LMAN2L: variants seen among roughly 807,000 people sequenced by gnomAD.
LMAN2L encodes lectin, mannose binding 2 like, also known as VIP36-like protein.
A neutral mutation model predicts 44.3 loss-of-function variants in LMAN2L; 30 were observed. The ratio of observed to expected loss-of-function variants is 0.68; its 90% confidence interval spans 0.51 to 0.92. The LOEUF (loss-of-function observed/expected upper bound fraction) is 0.92. LMAN2L is among the 40% of genes least tolerant of loss of function. LMAN2L has a pLI of 0.00. For synonymous variants in LMAN2L, 183 were observed against 171.1 expected, an observed-to-expected ratio of 1.07 and a Z score of -0.54; for missense variants, 429 against 446.1, an observed-to-expected ratio of 0.96 and a Z score of 0.35.
chr2:96,734,303 G>C (rs2078467277), intron 3 of LMAN2L, 106 bp downstream of exon 3: 1 of 763,950 alleles, frequency 1.3e-6, no homozygotes, highest in Non-Finnish European at 2.4e-6. Context: ...TACATTAAGG[G>C]AGAGGGAAAA....
chr2:96,707,558 C>T, intron 7 of LMAN2L, 156 bp downstream of exon 7: 1 of 1,229,038 alleles, frequency 8.1e-7, no homozygotes. Flanking sequence ...GGCCCTCCTG[C>T]TGCTCATCTG....
At chr2:96,707,886 T>C in intron 6 of LMAN2L, 53 bp from the exon 7 acceptor site, 1 of 1,591,668 alleles carries the variant, frequency 6.3e-7, no homozygotes, top group Non-Finnish European at 8.6e-7. Flanking sequence ...AGAGGTATGT[T>C]TCTTGAAGTC....
intron 6 of LMAN2L, among the ~76,000 whole-genome samples, chr2:96,710,385 C>T (rs557323592): frequency 6.6e-6 from 1 of 152,262 alleles, no homozygotes; most frequent in East Asian, 1.9e-4. Flanking sequence ...TCCAGATTAT[C>T]CAGGCTGGGC....
At chr2:96,725,609 AT>A (rs1558957806) in intron 4 of LMAN2L, among the ~76,000 whole-genome samples, 1 of 149,868 alleles carries the variant, frequency 6.7e-6, no homozygotes, top group African/African-American at 2.5e-5. Flanking sequence ...TGCCCGGCTG[AT>A]TTTTTTGTAT....
At chr2:96,707,682 T>C (rs1275373206) in intron 7 of LMAN2L, 32 bp downstream of exon 7, 2 of 1,613,156 alleles carry the variant, frequency 1.2e-6, no homozygotes, top group African/African-American at 1.3e-5. Flanking sequence ...TCCCCAACTA[T>C]GGGACCATTT....
chr2:96,740,000 C>G lies in LMAN2L; in HGVS notation c.41G>C (p.Trp14Ser), dbSNP rs762770180. The G allele has an allele frequency of 1.2e-6, 2 of 1,613,576 alleles. No homozygotes were observed. Among genetic ancestry groups the G allele is most frequent in the Non-Finnish European group, 1.7e-6 (2 of 1,179,986 alleles). The part of the protein sequence containing the change: ...TLGPLGSWQQ[W>S]RRCLSARDGS... The stretch of plus-strand genomic sequence containing the variant: ...ATCCCGAGCCGACAAACATCGCCGC[C>G]ACTGCTGCCACGACCCAAGGGGTCC... Residue 14 changes from tryptophan to serine, a missense_variant, in exon 1 of 8, where the codon TGG (tryptophan) becomes TCG (serine). Transcript: ENST00000264963.
chr2:96,723,938 T>C (rs1408222980), intron 4 of LMAN2L, among the ~76,000 whole-genome samples: 1 of 150,776 alleles, frequency 6.6e-6, no homozygotes, highest in Non-Finnish European at 1.5e-5. Flanking sequence ...AACATATATA[T>C]TAAAAAAAAA....
chr2:96,717,224 C>T (rs2078057239), intron 4 of LMAN2L, among the ~76,000 whole-genome samples: 1 of 152,008 alleles, frequency 6.6e-6, no homozygotes, highest in Non-Finnish European at 1.5e-5. Flanking sequence ...CACACAGACA[C>T]ACACACACAA....
In LMAN2L at chr2:96,707,363, G is replaced by C; in HGVS notation, c.940C>G (p.Leu314Val). The C allele has an allele frequency of 2.5e-6, 4 of 1,613,520 alleles. No homozygotes were observed. The highest frequency in any genetic ancestry group is 3.4e-6 in the Non-Finnish European group (4 of 1,179,732). ...AGGGAGAAAAAGACGATGAGGAAGA[G>C]GGCCAGGCCACTCAGGGGCGGCAGT... is the stretch of plus-strand genomic sequence containing the variant. ...APLPPLSGLALFLIVFFSLVF... is the reference protein window; with the variant it reads ...APLPPLSGLAVFLIVFFSLVF... The change falls in exon 8 of 8, where the codon CTC (leucine) becomes GTC (valine). Residue 314 changes from leucine (L) to valine (V), a missense_variant. Leu to Val is a conservative substitution (Grantham distance 32). Transcript: ENST00000264963.
chr2:96,725,514 C>A (rs113132869), intron 4 of LMAN2L, among the ~76,000 whole-genome samples: 3,433 of 150,584 alleles, frequency 0.023, 131 homozygotes, highest in African/African-American at 0.078. Context: ...GTAATCTTGG[C>A]TCACTGCAAC....
Position 96,739,989 on chromosome 2 carries a change from A to C in LMAN2L, c.52T>G (p.Leu18Val). Residue 18 changes from leucine (L) to valine (V), a missense_variant, in exon 1 of 8, where the codon TTG becomes GTG. Leu to Val is a conservative substitution (Grantham distance 32). Transcript: ENST00000264963. ...ATCCTGGACCCATCCCGAGCCGACA[A>C]ACATCGCCGCCACTGCTGCCACGAC... The part of the protein sequence containing the change: ...LGSWQQWRRC[L>V]SARDGSRMLL... 2 of 1,613,674 alleles carry C rather than the reference A, an allele frequency of 1.2e-6. No homozygotes were observed. The highest frequency in any genetic ancestry group is 1.7e-6 in the Non-Finnish European group (2 of 1,179,992).
chr2:96,713,746 C>T (rs1361921187), intron 4 of LMAN2L, among the ~76,000 whole-genome samples: 1 of 152,196 alleles, frequency 6.6e-6, no homozygotes, highest in Middle Eastern at 3.2e-3. Flanking sequence ...CATATATTCC[C>T]AAATAACTAT....
chr2:96,722,070 C>T (rs1459844949), intron 4 of LMAN2L, among the ~76,000 whole-genome samples: 2 of 152,050 alleles, frequency 1.3e-5, no homozygotes, highest in Non-Finnish European at 2.9e-5. Flanking sequence ...CAGGTTCACG[C>T]CATTCTCCTG....
At position 96,720,277 on chromosome 2, in the gene LMAN2L, C is replaced by T. The variant is rs185793917; in HGVS notation, c.508-8252G>A. 1.5e-3 allele frequency among the ~76,000 whole-genome samples: 234 copies of T among 152,234 alleles called. 1 individual carries two copies. Among genetic ancestry groups the T allele is most frequent in the African/African-American group, 5.3e-3 (221 of 41,540 alleles). ...AAAAGAATGAAGGCCAAGACCGCAA[C>T]GGTTACACTCTGTGCTCTCATTCCA... On this transcript the variant is annotated intron_variant, in intron 4 of 7. Transcript: ENST00000264963.
At chr2:96,738,325 T>C (rs1046441482) in intron 1 of LMAN2L, among the ~76,000 whole-genome samples, 3 of 152,198 alleles carry the variant, frequency 2.0e-5, no homozygotes, top group Non-Finnish European at 4.4e-5. Context: ...TTCTTCCCGT[T>C]TTATATGTGA....
At chr2:96,711,389 C>T (rs1431637116) in intron 6 of LMAN2L, among the ~76,000 whole-genome samples, 6 of 152,296 alleles carry the variant, frequency 3.9e-5, no homozygotes, top group East Asian at 1.9e-4. Flanking sequence ...AAGGAACTCA[C>T]GATACAGGCT....
rs376575004 is a variant in LMAN2L at position 96,739,874 on chromosome 2, G to A, written c.167C>T (p.Ser56Leu). 5 of 1,613,644 alleles carry A rather than the reference G, an allele frequency of 3.1e-6. No homozygotes were observed. Among genetic ancestry groups the A allele is most frequent in the South Asian group, 1.1e-5 (1 of 91,082 alleles). Reference protein sequence around the residue: ...QTFEYLKREHSLSKPYQGVGT... With the variant: ...QTFEYLKREHLLSKPYQGVGT... ...CTCACCCTGGTAGGGCTTCGACAGC[G>A]AGTGCTCCCGTTTCAAGTACTCGAA... The change falls in exon 1 of 8, where the codon TCG (serine) becomes TTG (leucine). Residue 56 changes from serine to leucine, a missense_variant. Transcript: ENST00000264963.
rs947838032 is a variant in LMAN2L, at chr2:96,721,512, G to GT, written c.508-9488dup. 1.4e-3 allele frequency among the ~76,000 whole-genome samples: 201 copies of GT among 145,604 alleles called. No homozygotes were observed. In the Middle Eastern group the frequency reaches 0.017, roughly 13 times the overall value. On this transcript the variant is annotated intron_variant, in intron 4 of 7. Coordinates refer to ENST00000264963, the MANE Select transcript of LMAN2L (RefSeq NM_030805.4). ...TGTGCCTGGCAATTACTCCTACTTT[G>GT]TTTTTTTTTTGAGACAGTCTTGCTC...
At position 96,707,214 on chromosome 2, in the gene LMAN2L, C is replaced by T. The variant is rs1216753389; in HGVS notation, c.*42G>A. 3 of 1,604,310 alleles carry T rather than the reference C, an allele frequency of 1.9e-6. No homozygotes were observed. Among genetic ancestry groups the T allele is most frequent in the Non-Finnish European group, 2.6e-6 (3 of 1,172,876 alleles). ...CAGGCCAGTGCCTGCTCCTTCCATA[C>T]CTCATGGGTGACAGTCACAAAAGTG... On this transcript the variant is annotated 3_prime_UTR_variant, in exon 8 of 8. Transcript: ENST00000264963.
Sources: gnomAD v4.1 joint callset for allele counts (sites outside exome capture counted in the v4.1 genomes callset) on GRCh38, gnomAD v4.1.1 for gene constraint, MANE v1.5 for transcripts, NCBI Gene and HGNC (gene_info 2026-07-23, HGNC 2026-07-21) for gene names.